Variants in GORASP1 observed in about 807,000 individuals in gnomAD.
The protein encoded by GORASP1 is Golgi reassembly-stacking protein 1.
GORASP1 carries 31 observed loss-of-function variants against 37.7 expected under a neutral mutation model. The observed-to-expected ratio is 0.82, with a 90% CI of 0.62 to 1.11. GORASP1 has a LOEUF of 1.11. Among genes scored for constraint, GORASP1 ranks in the 50% least tolerant of loss-of-function variants. GORASP1 has a pLI of 0.00. For synonymous variants in GORASP1, 204 were observed against 224.8 expected (o/e 0.91, Z 0.83); for missense variants, 476 against 560.7 (o/e 0.85, Z 1.53).
At chr3:39,099,015 C>A in intron 7 of GORASP1, 122 bp from the exon 8 acceptor site, 1 of 1,268,920 alleles carries the variant, frequency 7.9e-7, no homozygotes, top group East Asian at 2.4e-5. Flanking sequence ...TCCTCAGCCC[C>A]TGGTGATACC....
chr3:39,103,250 C>T lies in GORASP1; in HGVS notation c.144+223G>A. Reference sequence around the variant, plus strand: ...GCCCCTTGGGCCTTGTTGCCACCTCCAAGAGGCCATATGTCCTCTGTCCAC... The same window carrying T: ...GCCCCTTGGGCCTTGTTGCCACCTCTAAGAGGCCATATGTCCTCTGTCCAC... On this transcript the variant is annotated intron_variant, in intron 2 of 8. Coordinates refer to ENST00000319283, the MANE Select transcript of GORASP1 (RefSeq NM_031899.4). The surrounding 1 kb of genome is among the most constrained non-coding windows in gnomAD (Gnocchi z 5.2). 3.4e-6 allele frequency: 2 copies of T among 589,622 alleles called. No individual in the cohort carries two copies. Among genetic ancestry groups the T allele is most frequent in the South Asian group, 2.1e-5 (1 of 47,432 alleles). 36.5% of individuals were successfully genotyped at this position (589,622 alleles called of 1,614,324 possible).
chr3:39,097,417 A>G lies in GORASP1; in HGVS notation c.*819T>C, dbSNP rs1189716100. ...GGAAAGAACAAAAGGGTCTTTACCT[A>G]CTCTTAATCTAATCCCCTAATTCCC... On this transcript the variant is annotated 3_prime_UTR_variant, in exon 9 of 9. Transcript: ENST00000319283. The G allele has an allele frequency of 2.6e-5, 4 of 152,190 alleles. No homozygotes were observed. Among genetic ancestry groups the G allele is most frequent in the African/African-American group, 9.7e-5 (4 of 41,440 alleles). The allele number at this position is 152,190 out of a possible 1,614,324, so 9.4% of individuals were successfully genotyped here. A position where few individuals can be genotyped will look rare whatever the true frequency, so the allele number is the denominator to read the frequency against.
At position 39,102,614 on chromosome 3, in the gene GORASP1, C is replaced by G; in HGVS notation, c.348+64G>C. ...TGTACCCCCTCACACCCCGCCCACA[C>G]CCAGACCTGCCCCAGTAAACTCATC... On this transcript the variant is annotated intron_variant, in intron 3 of 8. Coordinates refer to ENST00000319283, the MANE Select transcript of GORASP1 (RefSeq NM_031899.4). The surrounding 1 kb of genome is among the most constrained non-coding windows in gnomAD (Gnocchi z 5.0). 13 of 1,562,448 alleles carry G rather than the reference C, an allele frequency of 8.3e-6. No homozygotes were observed. Among genetic ancestry groups the G allele is most frequent in the Non-Finnish European group, 1.1e-5 (13 of 1,138,466 alleles).
rs2035798773 is a variant in GORASP1, at chr3:39,102,685, T to A, written c.341A>T (p.His114Leu). 6.2e-7 allele frequency: 1 copy of A among 1,613,952 alleles called. No individual in the cohort carries two copies. The highest frequency in any genetic ancestry group is 2.2e-5 in the East Asian group (1 of 44,882). The change falls in exon 3 of 9, where the codon CAT becomes CTT. Residue 114 changes from histidine (H) to leucine (L), a missense_variant. By Grantham distance (99) the His-to-Leu change is moderately conservative (BLOSUM62 -3). Transcript: ENST00000319283. The surrounding 1 kb of genome is among the most constrained non-coding windows in gnomAD (Gnocchi z 5.0). ...SFRRASEQVW[H>L]VLDVEPSSPA... The stretch of plus-strand genomic sequence containing the variant: ...GCCATACCCCACACTCACCAGCACA[T>A]GCCACACCTGCTCACTGGCCCTGCG...
chr3:39,098,861 C>A lies in GORASP1; in HGVS notation c.949G>T (p.Asp317Tyr), dbSNP rs138864486. 15,728 of 1,614,114 alleles carry A rather than the reference C, an allele frequency of 9.7e-3. 108 individuals are homozygous for A. Among genetic ancestry groups the A allele is most frequent in the South Asian group, 0.024 (2,175 of 91,056 alleles). Residue 317 changes from aspartate (D) to tyrosine (Y), a missense_variant, in exon 8 of 9, where the codon GAC becomes TAC. Asp to Tyr is a radical substitution (Grantham distance 160, BLOSUM62 -3). Transcript: ENST00000319283. The surrounding 1 kb of genome is among the most constrained non-coding windows in gnomAD (Gnocchi z 4.7). ...FLDVSGISLL[D>Y]NSNASVWPSL... is the part of the protein sequence containing the mutation. ...GGCCACACACTGGCATTGCTGTTGT[C>A]CAAGAGAGAAATTCCCGACACGTCC...
In GORASP1 at chr3:39,102,753, G is replaced by C; in HGVS notation, c.273C>G (p.Gly91=). The change falls in exon 3 of 9, where the codon GGC becomes GGG. Residue 91 remains glycine, a synonymous_variant. Transcript: ENST00000319283. The surrounding 1 kb of genome is among the most constrained non-coding windows in gnomAD (Gnocchi z 5.0). The part of the protein sequence containing the change: ...EVEVVPSNMW[G]GQGLLGASVR... ...CACTGGCACCCAGTAGGCCCTGGCC[G>C]CCCCACATGTTGCTGGGCACCACCT... 6.2e-7 allele frequency: 1 copy of C among 1,614,190 alleles called. No individual in the cohort carries two copies. Among genetic ancestry groups the C allele is most frequent in the African/African-American group, 1.3e-5 (1 of 75,046 alleles).
chr3:39,098,973 G>C lies in GORASP1; in HGVS notation c.917-80C>G, dbSNP rs2035522168. 3 of 1,564,674 alleles carry C rather than the reference G, an allele frequency of 1.9e-6. No homozygotes were observed. In the South Asian group the frequency reaches 3.5e-5, roughly 18 times the overall value. ...CAGCACCCTGGGCTCACCTTGCCTA[G>C]GGCATCTGGCCCAGCCTGTGAGACT... On this transcript the variant is annotated intron_variant, in intron 7 of 8. Transcript: ENST00000319283. The surrounding 1 kb of genome is among the most constrained non-coding windows in gnomAD (Gnocchi z 4.7).
Position 39,102,829 on chromosome 3 carries a change from G to T in GORASP1, c.197C>A (p.Pro66His), listed in dbSNP as rs781634325. 2 of 1,614,134 alleles carry T rather than the reference G, an allele frequency of 1.2e-6. No homozygotes were observed. The highest frequency in any genetic ancestry group is 1.7e-6 in the Non-Finnish European group (2 of 1,180,034). Residue 66 changes from proline to histidine, a missense_variant, in exon 3 of 9, where the codon CCC becomes CAC. Coordinates refer to ENST00000319283, the MANE Select transcript of GORASP1 (RefSeq NM_031899.4). This position sits in a 1 kb window ranked among gnomAD's most constrained non-coding sequence, Gnocchi z 5.0. ...KALLKANVEK[P>H]VKLEVFNMKT... ...CATATTGAACACCTCCAGCTTCACG[G>T]GCTTCTCCACATTGGCTTTCAGTAG...
At position 39,100,536 on chromosome 3, in the gene GORASP1, C is replaced by T. The variant is rs1297513141; in HGVS notation, c.567-33G>A. On this transcript the variant is annotated intron_variant, in intron 5 of 8. Transcript: ENST00000319283. The surrounding 1 kb of genome is among the most constrained non-coding windows in gnomAD (Gnocchi z 4.6). ...AGGCCAGAAACATTCAATCCAGGGGCTTGTCCCACGGCCCTCCCTACCTTT... is the reference window on the plus strand; with the variant it reads ...AGGCCAGAAACATTCAATCCAGGGGTTTGTCCCACGGCCCTCCCTACCTTT... The T allele has an allele frequency of 6.5e-7, 1 of 1,532,350 alleles. No homozygotes were observed. The highest frequency in any genetic ancestry group is 1.3e-5 in the South Asian group (1 of 77,402). 94.9% of individuals were successfully genotyped at this position (1,532,350 alleles called of 1,614,324 possible).
At position 39,103,067 on chromosome 3, in the gene GORASP1, G is replaced by A. The variant is rs776410749; in HGVS notation, c.145-186C>T. 5.7e-5 allele frequency: 36 copies of A among 633,222 alleles called. No homozygotes were observed. Among genetic ancestry groups the A allele is most frequent in the South Asian group, 1.5e-4 (8 of 53,884 alleles). The allele number at this position is 633,222 out of a possible 1,614,324, so 39.2% of individuals were successfully genotyped here. Reference sequence around the variant, plus strand: ...ACCAGGGTTGAGCCTGCAGCCACTGGGACCCCCACCTTCCCCAAGCACTGC... The same window carrying A: ...ACCAGGGTTGAGCCTGCAGCCACTGAGACCCCCACCTTCCCCAAGCACTGC... On this transcript the variant is annotated intron_variant, in intron 2 of 8. Transcript: ENST00000319283. This position sits in a 1 kb window ranked among gnomAD's most constrained non-coding sequence, Gnocchi z 5.2.
Position 39,097,110 on chromosome 3 carries a change from C to T in GORASP1, c.*1126G>A, listed in dbSNP as rs1686858007. ...GTTGGCCTGTGCCCCCCAGAGCAGA[C>T]ATTCCTTGTCCTGCATACCTGACAC... On this transcript the variant is annotated 3_prime_UTR_variant, in exon 9 of 9. Coordinates refer to ENST00000319283, the MANE Select transcript of GORASP1 (RefSeq NM_031899.4). 1 of 152,268 alleles carries T rather than the reference C, an allele frequency of 6.6e-6. No individual in the cohort carries two copies. Among genetic ancestry groups the T allele is most frequent in the African/African-American group, 2.4e-5 (1 of 41,470 alleles). The allele number at this position is 152,268 out of a possible 1,614,324, so 9.4% of individuals were successfully genotyped here. A position where few individuals can be genotyped will look rare whatever the true frequency, so the allele number is the denominator to read the frequency against.
Position 39,100,950 on chromosome 3 carries a change from G to A in GORASP1, c.435+66C>T, listed in dbSNP as rs1026381896. On this transcript the variant is annotated intron_variant, in intron 4 of 8. Transcript: ENST00000319283. This position sits in a 1 kb window ranked among gnomAD's most constrained non-coding sequence, Gnocchi z 4.6. ...TCAACAAAACCAGACACTTCTCATG[G>A]ACAGCACCCTTCTCTTCACACCACA... 5.6e-6 allele frequency: 9 copies of A among 1,613,388 alleles called. No individual in the cohort carries two copies. Among genetic ancestry groups the A allele is most frequent in the Non-Finnish European group, 5.9e-6 (7 of 1,179,408 alleles).
In GORASP1 at chr3:39,098,601, T is replaced by C; in HGVS notation, c.1070-112A>G. ...TTGCCACTCCAGGTTTGATGGGGGA[T>C]TGGAGATGGAGTGTACAAATGCCTT... is the stretch of plus-strand genomic sequence containing the variant. On this transcript the variant is annotated intron_variant, in intron 8 of 8. Coordinates refer to ENST00000319283, the MANE Select transcript of GORASP1 (RefSeq NM_031899.4). The surrounding 1 kb of genome is among the most constrained non-coding windows in gnomAD (Gnocchi z 4.7). The C allele has an allele frequency of 6.7e-7, 1 of 1,493,764 alleles. No individual in the cohort carries two copies. The highest frequency in any genetic ancestry group is 9.1e-7 in the Non-Finnish European group (1 of 1,104,322). 92.5% of individuals were successfully genotyped at this position (1,493,764 alleles called of 1,614,324 possible). A position where few individuals can be genotyped will look rare whatever the true frequency, so the allele number is the denominator to read the frequency against.
chr3:39,099,067 G>C, intron 7 of GORASP1, 174 bp from the exon 8 acceptor site: 1 of 892,866 alleles, frequency 1.1e-6, no homozygotes, highest in Non-Finnish European at 1.8e-6. Flanking sequence ...GCCTGTTTCT[G>C]AGGAAAGAAA....
Position 39,098,920 on chromosome 3 carries a change from C to A in GORASP1, c.917-27G>T, listed in dbSNP as rs556171471. ...TAGGGGAGGGTGGTGCAGTTCTTTG[C>A]CAGCAAGAAACCCTGACTGCTGGAA... is the stretch of plus-strand genomic sequence containing the variant. On this transcript the variant is annotated intron_variant, in intron 7 of 8. Transcript: ENST00000319283. This position sits in a 1 kb window ranked among gnomAD's most constrained non-coding sequence, Gnocchi z 4.7. 2.5e-6 allele frequency: 4 copies of A among 1,611,964 alleles called. No homozygotes were observed. The South Asian group carries it at 4.4e-5, about 18-fold the overall frequency.
Position 39,098,776 on chromosome 3 carries a change from T to A in GORASP1, c.1034A>T (p.Asp345Val). ...TTAVSTSGPE[D>V]ICSSSSSHER... is the part of the protein sequence containing the mutation. ...ATGAGAACTGCTGCTGGAGCAGATG[T>A]CCTCTGGCCCTGAGGTTGAGACAGC... The change falls in exon 8 of 9, where the codon GAC becomes GTC. Residue 345 changes from aspartate (D) to valine (V), a missense_variant. Coordinates refer to ENST00000319283, the MANE Select transcript of GORASP1 (RefSeq NM_031899.4). This position sits in a 1 kb window ranked among gnomAD's most constrained non-coding sequence, Gnocchi z 4.7. The A allele has an allele frequency of 6.2e-7, 1 of 1,614,084 alleles. No homozygotes were observed. The highest frequency in any genetic ancestry group is 8.5e-7 in the Non-Finnish European group (1 of 1,179,972).
At position 39,100,928 on chromosome 3, in the gene GORASP1, A is replaced by G. The variant is rs1382735170; in HGVS notation, c.436-51T>C. ...GCCTGCTTCCAGGGCTAAAGCCTCA[A>G]CAAAACCAGACACTTCTCATGGACA... On this transcript the variant is annotated intron_variant, in intron 4 of 8. Coordinates refer to ENST00000319283, the MANE Select transcript of GORASP1 (RefSeq NM_031899.4). The surrounding 1 kb of genome is among the most constrained non-coding windows in gnomAD (Gnocchi z 4.6). 1.9e-6 allele frequency: 3 copies of G among 1,613,886 alleles called. No individual in the cohort carries two copies. The highest frequency in any genetic ancestry group is 2.5e-6 in the Non-Finnish European group (3 of 1,179,762).
In GORASP1 at chr3:39,100,539, G is replaced by A. The variant is rs768572157; in HGVS notation, c.567-36C>T. 7 of 1,527,660 alleles carry A rather than the reference G, an allele frequency of 4.6e-6. No individual in the cohort carries two copies. The South Asian group carries it at 9.1e-5, about 20-fold the overall frequency. The allele number at this position is 1,527,660 out of a possible 1,614,324, so 94.6% of individuals were successfully genotyped here. A position where few individuals can be genotyped will look rare whatever the true frequency, so the allele number is the denominator to read the frequency against. ...CCAGAAACATTCAATCCAGGGGCTT[G>A]TCCCACGGCCCTCCCTACCTTTGCT... is the stretch of plus-strand genomic sequence containing the variant. On this transcript the variant is annotated intron_variant, in intron 5 of 8. Transcript: ENST00000319283. The surrounding 1 kb of genome is among the most constrained non-coding windows in gnomAD (Gnocchi z 4.6).
At position 39,101,062 on chromosome 3, in the gene GORASP1, C is replaced by T. The variant is rs147603751; in HGVS notation, c.389G>A (p.Arg130His). 13 of 1,614,054 alleles carry T rather than the reference C, an allele frequency of 8.1e-6. No individual in the cohort carries two copies. Among genetic ancestry groups the T allele is most frequent in the South Asian group, 5.5e-5 (5 of 91,082 alleles). The change falls in exon 4 of 9, where the codon CGC (arginine) becomes CAC (histidine). Residue 130 changes from arginine to histidine, a missense_variant. By Grantham distance (29) the Arg-to-His change is conservative. Coordinates refer to ENST00000319283, the MANE Select transcript of GORASP1 (RefSeq NM_031899.4). Reference protein sequence around the residue: ...PSSPAALAGLRPYTDYVVGSD... With the variant: ...PSSPAALAGLHPYTDYVVGSD... The stretch of plus-strand genomic sequence containing the variant: ...ACCAACCACATAGTCTGTGTAGGGG[C>T]GCAGGCCGGCAAGGGCAGCAGGTGA...
Sources: gnomAD v4.1 joint callset for allele counts on GRCh38, gnomAD v4.1.1 for gene constraint, Gnocchi (gnomAD v3.1) non-coding constraint, MANE v1.5 for transcripts, NCBI Gene and HGNC (gene_info 2026-07-23, HGNC 2026-07-21) for gene names.